The following HLCS variants were observed in gnomAD, a reference collection of about 807,000 sequenced individuals.
The protein encoded by HLCS is holocarboxylase synthetase.
Under a neutral mutation model 75.0 loss-of-function variants are expected in HLCS, and 53 were observed. The observed-to-expected ratio is 0.71, with a 90% CI of 0.57 to 0.89. HLCS has a LOEUF of 0.89. Among genes scored for constraint, HLCS ranks in the 40% least tolerant of loss-of-function variants. The pLI, the probability that HLCS is intolerant of heterozygous loss-of-function variation, is 0.00. For synonymous variants in HLCS, 431 were observed against 428.6 expected, an observed-to-expected ratio of 1.01 and a Z score of -0.07; for missense variants, 966 against 1,074.0, an observed-to-expected ratio of 0.90 and a Z score of 1.41.
intron 6 of HLCS, among the ~76,000 whole-genome samples, chr21:36,836,123 G>A (rs945485950): frequency 6.7e-6 from 1 of 150,268 alleles, no homozygotes; most frequent in African/African-American, 2.4e-5. Flanking sequence ...AAAGTCCCCC[G>A]AGAAAATCTC....
At chr21:36,866,386 T>C (rs1038026792) in intron 6 of HLCS, among the ~76,000 whole-genome samples, 5 of 152,222 alleles carry the variant, frequency 3.3e-5, no homozygotes, top group Admixed American at 6.5e-5. Context: ...ATTAGGGAAA[T>C]AGCCATTTTG....
intron 5 of HLCS, among the ~76,000 whole-genome samples, chr21:36,900,181 G>A (rs1452565026): frequency 1.3e-5 from 2 of 152,086 alleles, no homozygotes; most frequent in African/African-American, 4.8e-5. Flanking sequence ...GAATGTTAGA[G>A]AGTAACACGT....
chr21:36,834,564 C>CT (rs67083316), intron 6 of HLCS, among the ~76,000 whole-genome samples: 7,921 of 150,378 alleles, frequency 0.053, 326 homozygotes, highest in East Asian at 0.17. Flanking sequence ...CCAGCAAACA[C>CT]TTTTTTTTTT....
chr21:36,777,490 A>G (rs1022568608), intron 6 of HLCS, among the ~76,000 whole-genome samples: 4 of 152,238 alleles, frequency 2.6e-5, no homozygotes, highest in African/African-American at 9.6e-5. Context: ...AATTGTGTCC[A>G]TTGTCCTAGT....
chr21:36,949,959 T>G (rs932194696), intron 2 of HLCS, among the ~76,000 whole-genome samples: 1 of 152,148 alleles, frequency 6.6e-6, no homozygotes, highest in Non-Finnish European at 1.5e-5. Flanking sequence ...TCCTGCTACA[T>G]TCCCCATCTG....
At chr21:36,778,235 C>T (rs933089446) in intron 6 of HLCS, among the ~76,000 whole-genome samples, 1 of 152,074 alleles carries the variant, frequency 6.6e-6, no homozygotes, top group Non-Finnish European at 1.5e-5. Context: ...TCCCAAAGTG[C>T]TGGGATTACA....
intron 2 of HLCS, among the ~76,000 whole-genome samples, chr21:36,957,207 G>C (rs186580418): frequency 1.3e-5 from 2 of 152,244 alleles, no homozygotes; most frequent in Admixed American, 1.3e-4. Context: ...CTCATGAATA[G>C]TGTGGTGCTG....
At chr21:36,974,215 A>G (rs1569269437) in intron 1 of HLCS, 1 of 152,342 alleles carries the variant, frequency 6.6e-6, no homozygotes, top group African/African-American at 2.4e-5. Flanking sequence ...TGCTGGAGAC[A>G]TCAGCAGGGG....
intron 6 of HLCS, among the ~76,000 whole-genome samples, chr21:36,856,621 T>C (rs1199003128): frequency 6.6e-6 from 1 of 151,782 alleles, no homozygotes; most frequent in Non-Finnish European, 1.5e-5. Context: ...TAAACTGTTC[T>C]AGGAAGTATA....
At chr21:36,966,793 G>A (rs1187445183), upstream of HLCS, among the ~76,000 whole-genome samples, 1 of 139,332 alleles carries the variant, frequency 7.2e-6, no homozygotes, top group Non-Finnish European at 1.6e-5. Flanking sequence ...AGGTGACGCG[G>A]GCAACTGGAG....
chr21:36,969,536 A>G (rs920853675), upstream of HLCS: 2 of 152,098 alleles, frequency 1.3e-5, no homozygotes, highest in African/African-American at 4.8e-5. Context: ...AGACTCTAAT[A>G]AGACATTTCC....
At chr21:36,765,223 C>T (rs775178200) in intron 7 of HLCS, 51 bp from the exon 8 acceptor site, 173 of 1,559,598 alleles carry the variant, frequency 1.1e-4, no homozygotes, top group East Asian at 2.7e-4. Flanking sequence ...CGTGGACAGA[C>T]GCAGACACAC....
chr21:36,966,726 G>A, upstream of HLCS: 1 of 545,126 alleles, frequency 1.8e-6, no homozygotes, highest in Non-Finnish European at 2.3e-6. Context: ...GGGCCGCGCC[G>A]CCCCCCCGGG....
intron 1 of HLCS, among the ~76,000 whole-genome samples, chr21:36,965,828 CTCAAGTGAACCTCCCGGGA>C (rs1200219039): frequency 4.0e-5 from 6 of 151,544 alleles, no homozygotes; most frequent in Non-Finnish European, 8.8e-5. Flanking sequence ...AACTCCGGGG[CTCAAGTGAACCTCCCGGGA>C]TCAAGTGACC....
intron 6 of HLCS, among the ~76,000 whole-genome samples, chr21:36,798,598 A>C (rs1190870376): frequency 6.6e-6 from 1 of 152,236 alleles, no homozygotes; most frequent in African/African-American, 2.4e-5. Flanking sequence ...TTTACCCAAG[A>C]TAAATTCCAG....
intron 5 of HLCS, among the ~76,000 whole-genome samples, chr21:36,919,965 T>C (rs2066091929): frequency 6.6e-6 from 1 of 151,858 alleles, no homozygotes; most frequent in African/African-American, 2.4e-5. Flanking sequence ...CTGCAGAGAG[T>C]CCTGCAAAGG....
intron 2 of HLCS, among the ~76,000 whole-genome samples, chr21:36,951,944 T>C (rs1003546501): frequency 9.2e-5 from 14 of 152,252 alleles, no homozygotes; most frequent in Non-Finnish European, 7.3e-5. Context: ...TGCTACATTT[T>C]TTAAAACTGA....
intron 6 of HLCS, among the ~76,000 whole-genome samples, chr21:36,777,177 C>T (rs2060384302): frequency 6.6e-6 from 1 of 152,150 alleles, no homozygotes; most frequent in African/African-American, 2.4e-5. Flanking sequence ...CATCTTGTGG[C>T]CACCATGTCA....
chr21:36,789,313 A>C (rs1405988625), intron 6 of HLCS, among the ~76,000 whole-genome samples: 1 of 152,238 alleles, frequency 6.6e-6, no homozygotes, highest in East Asian at 1.9e-4. Flanking sequence ...CATCCATTTA[A>C]TGTTACAAAC....
Sources: gnomAD v4.1 joint callset for allele counts (sites outside exome capture counted in the v4.1 genomes callset) on GRCh38, gnomAD v4.1.1 for gene constraint, MANE v1.5 for transcripts, NCBI Gene and HGNC (gene_info 2026-07-23, HGNC 2026-07-21) for gene names.